Variants in PTBP3 observed in about 807,000 individuals in gnomAD.
PTBP3 encodes the protein polypyrimidine tract binding protein 3, also known as polypyrimidine tract-binding protein 3.
PTBP3 carries 20 observed loss-of-function variants against 58.7 expected under a neutral mutation model. The observed-to-expected ratio is 0.34, with a 90% CI of 0.24 to 0.50. PTBP3 has a LOEUF of 0.50. Ranked by LOEUF, PTBP3 falls within the 20% of genes least tolerant of loss-of-function variation. PTBP3 has a pLI of 0.98. For missense variants in PTBP3, 509 were observed against 637.2 expected, an observed-to-expected ratio of 0.80 and a Z score of 2.17; for synonymous variants, 185 against 219.8, an observed-to-expected ratio of 0.84 and a Z score of 1.40.
At position 112,331,805 on chromosome 9, in the gene PTBP3, A is replaced by C. The variant is rs561339066; in HGVS notation, c.-52+1665T>G. 2.0e-5 allele frequency among the ~76,000 whole-genome samples: 3 copies of C among 152,350 alleles called. No homozygotes were observed. The South Asian group carries it at 6.2e-4, about 32-fold the overall frequency. On this transcript the variant is annotated intron_variant, in intron 1 of 13. Transcript: ENST00000374257. ...TGAAGGGAGAGTAAACTTCTTAAAC[A>C]CTATCAAAAAGTAAGTTTGCACTTC...
At chr9:112,321,541 A>AC (rs1454606101) in intron 1 of PTBP3, among the ~76,000 whole-genome samples, 1 of 150,076 alleles carries the variant, frequency 6.7e-6, no homozygotes, top group African/African-American at 2.5e-5. Context: ...AAAAAAAAAA[A>AC]AGAAAGAAAG....
At chr9:112,351,625 ATGAT>A in the PTBP3 span, among the ~76,000 whole-genome samples, 2 of 152,322 alleles carry the variant, frequency 1.3e-5, no homozygotes, top group Admixed American at 6.5e-5. Context: ...TTCTGTACAG[ATGAT>A]TGGTCATTCT....
At chr9:112,333,155 G>T in intron 1 of PTBP3, 1 of 1,215,844 alleles carries the variant, frequency 8.2e-7, no homozygotes, top group Non-Finnish European at 1.0e-6. Context: ...CGGACTCGGG[G>T]CGCGGAGGGC....
At chr9:112,225,492 G>C (rs1316655872) in intron 12 of PTBP3, among the ~76,000 whole-genome samples, 1 of 152,142 alleles carries the variant, frequency 6.6e-6, no homozygotes, top group African/African-American at 2.4e-5. Context: ...CAGAGGTGAC[G>C]GTCGCACAAT....
At chr9:112,325,876 G>C (rs7043856) in intron 1 of PTBP3, among the ~76,000 whole-genome samples, 73,760 of 151,886 alleles carry the variant, frequency 0.49, 18,255 homozygotes, top group African/African-American at 0.58. Context: ...AAATTAGCCC[G>C]GAGCGGTGGA....
intron 6 of PTBP3, chr9:112,252,148 T>C (rs903456873): frequency 6.6e-6 from 1 of 152,252 alleles, no homozygotes; most frequent in African/African-American, 2.4e-5. Context: ...TAGCAGCATA[T>C]TTCCTAAGAT....
rs1830474453 is a variant in PTBP3, at chr9:112,333,504, A to G, written c.-86T>C. ...GCCCAGATGGAGGCGCGCACAGAGC[A>G]GGGACTGACGGGCTAACCGCGAGCA... On this transcript the variant is annotated 5_prime_UTR_variant, in exon 1 of 14. Coordinates refer to ENST00000374257, the MANE Select transcript of PTBP3 (RefSeq NM_001163788.4). 6.3e-7 allele frequency: 1 copy of G among 1,587,260 alleles called. No individual in the cohort carries two copies.
In PTBP3 at chr9:112,320,287, A is replaced by T. The variant is rs1414425389; in HGVS notation, c.-52+13183T>A. Among the ~76,000 whole-genome samples the T allele has an allele frequency of 1.2e-3, 49 of 39,484 alleles. 1 individual carries two copies. The African/African-American group carries it at 0.013, about 11-fold the overall frequency. The allele number at this position is 39,484 out of a possible 152,430, so 25.9% of individuals were successfully genotyped here. A position where few individuals can be genotyped will look rare whatever the true frequency, so the allele number is the denominator to read the frequency against. On this transcript the variant is annotated intron_variant, in intron 1 of 13. Coordinates refer to ENST00000374257, the MANE Select transcript of PTBP3 (RefSeq NM_001163788.4). Reference sequence around the variant, plus strand: ...GACGAGACCCTTTCTCTTAAAAAAAAAAAAATATATATATATATATATATA... The same window carrying T: ...GACGAGACCCTTTCTCTTAAAAAAATAAAAATATATATATATATATATATA...
chr9:112,236,385 C>T (rs1246527497), intron 7 of PTBP3, among the ~76,000 whole-genome samples: 1 of 152,062 alleles, frequency 6.6e-6, no homozygotes, highest in African/African-American at 2.4e-5. Context: ...ACAAAGCAGA[C>T]AAGATTTTGT....
the PTBP3 span, among the ~76,000 whole-genome samples, chr9:112,350,283 C>T: frequency 2.8e-3 from 418 of 151,894 alleles, 4 homozygotes; most frequent in Middle Eastern, 0.014. Context: ...GTACACTGCT[C>T]GGATAATGGG....
At chr9:112,359,442 T>C in the PTBP3 span, among the ~76,000 whole-genome samples, 1 of 151,788 alleles carries the variant, frequency 6.6e-6, no homozygotes, top group African/African-American at 2.4e-5. Context: ...CAAGACTCTG[T>C]CTCAAAAAGA....
At chr9:112,332,264 T>G (rs962645176) in intron 1 of PTBP3, among the ~76,000 whole-genome samples, 1 of 152,236 alleles carries the variant, frequency 6.6e-6, no homozygotes, top group African/African-American at 2.4e-5. Flanking sequence ...TCCACTTTGA[T>G]GTCTGTAGCA....
Position 112,234,831 on chromosome 9 carries a change from G to A in PTBP3, c.869C>T (p.Pro290Leu). 6.2e-7 allele frequency: 1 copy of A among 1,611,682 alleles called. No individual in the cohort carries two copies. Among genetic ancestry groups the A allele is most frequent in the Non-Finnish European group, 8.5e-7 (1 of 1,178,088 alleles). ...CTTAAAAGAATCACCTGTAGCTTGA[G>A]GAAATCCAATGGCTGGGGCAAATCC... ...AAGFAPAIGF[P>L]QATGLSVPAV... The change falls in exon 8 of 14, where the codon CCT becomes CTT. Residue 290 changes from proline (P) to leucine (L), a missense_variant. Physicochemically the swap from Pro to Leu is moderately conservative, Grantham distance 98. Coordinates refer to ENST00000374257, the MANE Select transcript of PTBP3 (RefSeq NM_001163788.4).
chr9:112,277,176 C>T (rs1011790572), intron 2 of PTBP3, among the ~76,000 whole-genome samples: 3 of 152,182 alleles, frequency 2.0e-5, no homozygotes, highest in Admixed American at 6.5e-5. Context: ...CAAACTAGCA[C>T]TTGCTCCCAA....
At chr9:112,241,114 TA>T (rs1315084932) in intron 7 of PTBP3, among the ~76,000 whole-genome samples, 6 of 152,190 alleles carry the variant, frequency 3.9e-5, no homozygotes, top group Non-Finnish European at 8.8e-5. Flanking sequence ...ATTTTATTAT[TA>T]TTTTTTTAAA....
the PTBP3 span, among the ~76,000 whole-genome samples, chr9:112,373,508 C>A: frequency 2.0e-5 from 3 of 152,148 alleles, no homozygotes; most frequent in African/African-American, 7.2e-5. Context: ...GCAACACTGT[C>A]ACAGACACAC....
At chr9:112,285,048 C>CG (rs1554798245) in intron 2 of PTBP3, among the ~76,000 whole-genome samples, 3 of 152,018 alleles carry the variant, frequency 2.0e-5, no homozygotes, top group Admixed American at 2.0e-4. Flanking sequence ...TGGGAGGGGC[C>CG]GGGGCAGAAT....
chr9:112,238,108 C>A (rs904682102), intron 7 of PTBP3, among the ~76,000 whole-genome samples: 1 of 151,860 alleles, frequency 6.6e-6, no homozygotes, highest in Non-Finnish European at 1.5e-5. Context: ...CCCCACCCTC[C>A]CCCACAAAAA....
At chr9:112,363,445 G>A in the PTBP3 span, among the ~76,000 whole-genome samples, 4 of 148,798 alleles carry the variant, frequency 2.7e-5, no homozygotes, top group Admixed American at 2.7e-4. Context: ...CATGAGCCCA[G>A]GAGGTTGAGG....
Sources: gnomAD v4.1 joint callset for allele counts (sites outside exome capture counted in the v4.1 genomes callset) on GRCh38, gnomAD v4.1.1 for gene constraint, MANE v1.5 for transcripts, NCBI Gene and HGNC (gene_info 2026-07-23, HGNC 2026-07-21) for gene names.